Variants in FALEC observed in about 807,000 individuals in gnomAD.
FALEC encodes the protein focally amplified lncRNA on chromosome 1.
At chr1:150,517,186 A>G (rs587683962) in intron 1 of FALEC, among the ~76,000 whole-genome samples, 15 of 151,562 alleles carry the variant, frequency 9.9e-5, no homozygotes, top group African/African-American at 3.6e-4. Context: ...AATCCCAGCT[A>G]CTTGGGAGGC....
chr1:150,529,016 C>CAAAAAAAAAAAAAA, the FALEC span, among the ~76,000 whole-genome samples: 467 of 59,172 alleles, frequency 7.9e-3, 51 homozygotes, highest in Non-Finnish European at 0.012. Flanking sequence ...AAATAAATAG[C>CAAAAAAAAAAAAAA]AAAAAAAAAA....
At chr1:150,519,698 T>C (rs1670614692), downstream of FALEC, among the ~76,000 whole-genome samples, 1 of 146,956 alleles carries the variant, frequency 6.8e-6, no homozygotes. Flanking sequence ...CTACTGAAAA[T>C]ACAAAAAAAT....
chr1:150,525,163 T>C, the FALEC span, among the ~76,000 whole-genome samples: 1 of 152,152 alleles, frequency 6.6e-6, no homozygotes, highest in Admixed American at 6.6e-5. Context: ...GGCACGCATC[T>C]GTAATCCCAG....
chr1:150,522,336 T>C (rs587664002), downstream of FALEC, among the ~76,000 whole-genome samples: 8 of 151,266 alleles, frequency 5.3e-5, no homozygotes, highest in South Asian at 1.7e-3. Flanking sequence ...AAGTTGGTAG[T>C]GGTTGGCCGG....
the FALEC span, among the ~76,000 whole-genome samples, chr1:150,534,695 T>A: frequency 1.3e-4 from 20 of 151,992 alleles, no homozygotes; most frequent in South Asian, 3.1e-3. Flanking sequence ...TACAAAAATT[T>A]GCTGGGTGTG....
At chr1:150,519,793 G>C (rs918076781), downstream of FALEC, among the ~76,000 whole-genome samples, 1 of 152,080 alleles carries the variant, frequency 6.6e-6, no homozygotes, top group Non-Finnish European at 1.5e-5. Context: ...TTGAACCTGG[G>C]AGGCAGAAGT....
the FALEC span, among the ~76,000 whole-genome samples, chr1:150,524,766 C>T: frequency 6.6e-6 from 1 of 152,126 alleles, no homozygotes; most frequent in Non-Finnish European, 1.5e-5. Flanking sequence ...GTAATCCCAG[C>T]TCTTTGGGAG....
At chr1:150,522,664 A>G (rs1201315095), downstream of FALEC, among the ~76,000 whole-genome samples, 2 of 151,402 alleles carry the variant, frequency 1.3e-5, no homozygotes, top group Non-Finnish European at 2.9e-5. Context: ...TGTCCAACAC[A>G]GTAGCCACCA....
At chr1:150,529,506 T>G in the FALEC span, among the ~76,000 whole-genome samples, 1 of 152,168 alleles carries the variant, frequency 6.6e-6, no homozygotes, top group South Asian at 2.1e-4. Flanking sequence ...GGCCCTAGAC[T>G]GGAGCCAAAA....
chr1:150,529,031 A>AAAAAAAAAAAAAAAAAT, the FALEC span, among the ~76,000 whole-genome samples: 1 of 151,144 alleles, frequency 6.6e-6, no homozygotes, highest in African/African-American at 2.4e-5. Context: ...AAAAAAAAAA[A>AAAAAAAAAAAAAAAAAT]AAAAAAAATC....
chr1:150,524,392 A>G, the FALEC span, among the ~76,000 whole-genome samples: 375 of 152,346 alleles, frequency 2.5e-3, 2 homozygotes, highest in Non-Finnish European at 4.3e-3. Flanking sequence ...ATCATAAGTT[A>G]TTAAGAATAA....
the FALEC span, among the ~76,000 whole-genome samples, chr1:150,527,109 T>C: frequency 1.3e-5 from 2 of 150,906 alleles, no homozygotes; most frequent in Admixed American, 1.3e-4. Context: ...CCAGCTAATT[T>C]TTTTTATTTT....
At chr1:150,533,108 G>T in the FALEC span, among the ~76,000 whole-genome samples, 1 of 152,256 alleles carries the variant, frequency 6.6e-6, no homozygotes, top group Non-Finnish European at 1.5e-5. Flanking sequence ...GCCTGGCCAG[G>T]CATGAAGGGC....
the FALEC span, among the ~76,000 whole-genome samples, chr1:150,526,721 C>T: frequency 6.6e-6 from 1 of 151,926 alleles, no homozygotes; most frequent in Non-Finnish European, 1.5e-5. Flanking sequence ...GCATGCTCCA[C>T]CTCCTGGGTT....
chr1:150,527,602 G>C, the FALEC span, among the ~76,000 whole-genome samples: 2 of 152,122 alleles, frequency 1.3e-5, no homozygotes, highest in Non-Finnish European at 2.9e-5. Flanking sequence ...AGCACCAGAG[G>C]CTGGGCATGG....
chr1:150,518,687 A>C (rs1413041872), downstream of FALEC, among the ~76,000 whole-genome samples: 1 of 151,742 alleles, frequency 6.6e-6, no homozygotes, highest in Non-Finnish European at 1.5e-5. Context: ...CGTGCCCAGC[A>C]ATAGAGTTAC....
chr1:150,521,216 G>A (rs1312340072), downstream of FALEC, among the ~76,000 whole-genome samples: 3 of 152,296 alleles, frequency 2.0e-5, no homozygotes, highest in Admixed American at 6.5e-5. Flanking sequence ...TATAAAAATG[G>A]TAGATATTGC....
At chr1:150,534,906 C>T in the FALEC span, among the ~76,000 whole-genome samples, 1 of 151,968 alleles carries the variant, frequency 6.6e-6, no homozygotes, top group Non-Finnish European at 1.5e-5. Flanking sequence ...TTGACTTTGC[C>T]TCCCCACAAA....
downstream of FALEC, among the ~76,000 whole-genome samples, chr1:150,522,947 G>GTATATATA (rs1670671925): frequency 7.2e-5 from 1 of 13,864 alleles, no homozygotes; most frequent in African/African-American, 3.3e-4. Flanking sequence ...GTGTGTGTGT[G>GTATATATA]TGTATATATA....
Sources: gnomAD v4.1 joint callset for allele counts (sites outside exome capture counted in the v4.1 genomes callset) on GRCh38, gnomAD v4.1.1 for gene constraint, MANE v1.5 for transcripts, NCBI Gene and HGNC (gene_info 2026-07-23, HGNC 2026-07-21) for gene names.